PLXNC1: variants seen among roughly 807,000 people sequenced by gnomAD.
The protein encoded by PLXNC1 is plexin C1, also known as plexin-C1.
A neutral mutation model predicts 178.2 loss-of-function variants in PLXNC1; 75 were observed. That is an observed-to-expected ratio of 0.42 (90% CI 0.35 to 0.51). PLXNC1 has a LOEUF of 0.51. Among genes scored for constraint, PLXNC1 ranks in the 20% least tolerant of loss-of-function variants. The pLI is 0.02. For synonymous variants in PLXNC1, 790 were observed against 779.9 expected (o/e 1.01, Z -0.22); for missense variants, 1,503 against 1,984.4 (o/e 0.76, Z 4.61).
intron 21 of PLXNC1, among the ~76,000 whole-genome samples, chr12:94,269,301 A>G (rs1172730392): frequency 6.6e-6 from 1 of 152,232 alleles, no homozygotes; most frequent in Non-Finnish European, 1.5e-5. Flanking sequence ...TTTCAAGATT[A>G]TTAGAAATTC....
chr12:94,156,712 T>C (rs894554498), intron 1 of PLXNC1, among the ~76,000 whole-genome samples: 12 of 150,228 alleles, frequency 8.0e-5, no homozygotes, highest in South Asian at 2.1e-4. Flanking sequence ...TTCTTTCTTT[T>C]TTTTTTTTTT....
At position 94,179,696 on chromosome 12, in the gene PLXNC1, G is replaced by A. The variant is rs578119833; in HGVS notation, c.1204-1750G>A. ...GCAGAGGTTGCAGTGAGCCAAGATC[G>A]CACCACTGCACTCCAGTCTGGGCGA... On this transcript the variant is annotated intron_variant, in intron 2 of 30. Coordinates refer to ENST00000258526, the MANE Select transcript of PLXNC1 (RefSeq NM_005761.3). 5.1e-5 allele frequency among the ~76,000 whole-genome samples: 7 copies of A among 137,686 alleles called. No homozygotes were observed. In the East Asian group the frequency reaches 8.8e-4, roughly 17 times the overall value. 90.3% of individuals were successfully genotyped at this position (137,686 alleles called of 152,430 possible). A position where few individuals can be genotyped will look rare whatever the true frequency, so the allele number is the denominator to read the frequency against.
At chr12:94,188,525 T>C (rs972300716) in intron 4 of PLXNC1, among the ~76,000 whole-genome samples, 1 of 152,100 alleles carries the variant, frequency 6.6e-6, no homozygotes, top group Non-Finnish European at 1.5e-5. Context: ...GGTTTCACCA[T>C]GTTGGCCAGG....
intron 15 of PLXNC1, among the ~76,000 whole-genome samples, chr12:94,253,989 TA>T (rs1414883684): frequency 6.6e-6 from 1 of 152,218 alleles, no homozygotes; most frequent in African/African-American, 2.4e-5. Context: ...GTAATTTCTA[TA>T]AGGAGGAGAA....
At chr12:94,243,206 T>C (rs564201246) in intron 11 of PLXNC1, among the ~76,000 whole-genome samples, 26 of 152,360 alleles carry the variant, frequency 1.7e-4, no homozygotes, top group African/African-American at 5.8e-4. Flanking sequence ...CCTGGTCTTG[T>C]CATCAGGGGC....
At chr12:94,295,792 A>G (rs1186633608) in intron 24 of PLXNC1, among the ~76,000 whole-genome samples, 1 of 152,136 alleles carries the variant, frequency 6.6e-6, no homozygotes, top group African/African-American at 2.4e-5. Flanking sequence ...GCCTGCTCTC[A>G]TTGGGTTCCT....
At chr12:94,170,970 C>T (rs549853991) in intron 2 of PLXNC1, among the ~76,000 whole-genome samples, 1 of 152,232 alleles carries the variant, frequency 6.6e-6, no homozygotes, top group Non-Finnish European at 1.5e-5. Flanking sequence ...TCAAGCCTTT[C>T]TGGGCCTCCT....
intron 1 of PLXNC1, among the ~76,000 whole-genome samples, chr12:94,152,986 G>A (rs893852392): frequency 2.0e-5 from 3 of 152,218 alleles, no homozygotes; most frequent in South Asian, 2.1e-4. Flanking sequence ...CAGGTTAACT[G>A]CAGCTCTCAA....
intron 9 of PLXNC1, 65 bp downstream of exon 9, chr12:94,227,300 A>C: frequency 6.8e-5 from 62 of 916,076 alleles, no homozygotes; most frequent in Middle Eastern, 2.2e-4. Flanking sequence ...ACCACAACTC[A>C]TACTACTTTG....
At chr12:94,298,306 A>C (rs1968130799) in intron 26 of PLXNC1, among the ~76,000 whole-genome samples, 1 of 152,238 alleles carries the variant, frequency 6.6e-6, no homozygotes, top group Non-Finnish European at 1.5e-5. Flanking sequence ...TAAAAGCCAA[A>C]TATCCATGGC....
chr12:94,195,396 G>A (rs145377723), intron 4 of PLXNC1, among the ~76,000 whole-genome samples: 14 of 152,150 alleles, frequency 9.2e-5, no homozygotes, highest in Admixed American at 6.5e-5. Flanking sequence ...GAGGTAGTAC[G>A]TCTCCCAGTG....
chr12:94,271,552 T>C (rs932233253), intron 21 of PLXNC1, among the ~76,000 whole-genome samples: 1 of 152,194 alleles, frequency 6.6e-6, no homozygotes, highest in Admixed American at 6.5e-5. Flanking sequence ...TGGAGTCTGA[T>C]AGTCTTGGGT....
intron 4 of PLXNC1, among the ~76,000 whole-genome samples, chr12:94,205,415 G>A (rs924380965): frequency 6.6e-6 from 1 of 152,142 alleles, no homozygotes; most frequent in African/African-American, 2.4e-5. Flanking sequence ...ATTGTTTTCT[G>A]CTATTGTTTA....
rs1239112495 is a variant in PLXNC1, at chr12:94,307,214, T to A, written c.*1929T>A. On this transcript the variant is annotated 3_prime_UTR_variant, in exon 31 of 31. Coordinates refer to ENST00000258526, the MANE Select transcript of PLXNC1 (RefSeq NM_005761.3). ...TGTGCTGTTGGGAACTTTGGGCAAG[T>A]CACTTACCTCTTTGTGCCTCAATTT... The A allele has an allele frequency of 1.3e-5, 2 of 152,172 alleles. No homozygotes were observed. Among genetic ancestry groups the A allele is most frequent in the Non-Finnish European group, 2.9e-5 (2 of 68,026 alleles). 9.4% of individuals were successfully genotyped at this position (152,172 alleles called of 1,614,324 possible).
Position 94,240,591 on chromosome 12 carries a change from T to C in PLXNC1, c.2227T>C (p.Ser743Pro), listed in dbSNP as rs776008702. The C allele has an allele frequency of 1.2e-6, 2 of 1,613,938 alleles. No homozygotes were observed. Among genetic ancestry groups the C allele is most frequent in the South Asian group, 2.2e-5 (2 of 91,082 alleles). The change falls in exon 11 of 31, where the codon TCT (serine) becomes CCT (proline). Residue 743 changes from serine to proline, a missense_variant. Transcript: ENST00000258526. ...TATCCAGTTTGATGGTGGGAACTGC[T>C]CTTCTGTGGGATCCTTATCCTACAT... ...VCIQFDGGNCSSVGSLSYIAL... is the reference protein window; with the variant it reads ...VCIQFDGGNCPSVGSLSYIAL...
At chr12:94,293,511 A>G (rs1471587167) in intron 23 of PLXNC1, among the ~76,000 whole-genome samples, 2 of 152,222 alleles carry the variant, frequency 1.3e-5, no homozygotes, top group African/African-American at 4.8e-5. Context: ...GTCTGGGCAA[A>G]GTACTAGTAG....
chr12:94,246,572 A>C (rs1964535621), intron 12 of PLXNC1, among the ~76,000 whole-genome samples: 1 of 152,198 alleles, frequency 6.6e-6, no homozygotes, highest in African/African-American at 2.4e-5. Flanking sequence ...GAAAAAGAGT[A>C]AATCGCATGG....
intron 9 of PLXNC1, among the ~76,000 whole-genome samples, chr12:94,232,156 G>A (rs1336829249): frequency 2.0e-5 from 3 of 151,808 alleles, no homozygotes; most frequent in Admixed American, 6.6e-5. Context: ...GCACAATCTC[G>A]GCTCACTGCA....
intron 6 of PLXNC1, among the ~76,000 whole-genome samples, chr12:94,222,867 G>A (rs1197419341): frequency 1.3e-5 from 2 of 152,200 alleles, no homozygotes; most frequent in Non-Finnish European, 2.9e-5. Context: ...CTTTTGCAGA[G>A]AGGTCATGCC....
Sources: allele counts gnomAD v4.1 joint callset (sites outside exome capture counted in the v4.1 genomes callset), GRCh38; gene constraint gnomAD v4.1.1; transcripts MANE v1.5; gene names NCBI Gene and HGNC (gene_info 2026-07-23, HGNC 2026-07-21).